The following PRKAG2 variants were observed in gnomAD, a reference collection of about 807,000 sequenced individuals.
PRKAG2 encodes 5'-AMP-activated protein kinase subunit gamma-2.
Under a neutral mutation model 69.6 loss-of-function variants are expected in PRKAG2, and 26 were observed. The observed-to-expected ratio is 0.37, with a 90% CI of 0.27 to 0.52. PRKAG2 has a LOEUF of 0.52. PRKAG2 is among the 20% of genes least tolerant of loss of function. The pLI is 0.90. For synonymous variants in PRKAG2, 293 were observed against 285.0 expected (o/e 1.03, Z -0.28); for missense variants, 557 against 740.0 (o/e 0.75, Z 2.87).
chr7:151,725,994 A>G (rs1797877152), intron 3 of PRKAG2, among the ~76,000 whole-genome samples: 1 of 152,176 alleles, frequency 6.6e-6, no homozygotes, highest in Non-Finnish European at 1.5e-5. Flanking sequence ...TGGTGGTTAC[A>G]AACCAGGTCC....
intron 3 of PRKAG2, among the ~76,000 whole-genome samples, chr7:151,749,623 A>G (rs539027961): frequency 5.3e-5 from 8 of 152,290 alleles, no homozygotes; most frequent in Non-Finnish European, 4.4e-5. Context: ...CAACAAAAAG[A>G]CAATCCAATC....
chr7:151,775,317 C>G (rs1400140353), intron 3 of PRKAG2, among the ~76,000 whole-genome samples: 1 of 152,116 alleles, frequency 6.6e-6, no homozygotes, highest in Non-Finnish European at 1.5e-5. Flanking sequence ...ATCAGATATC[C>G]TGCGACAAGG....
chr7:151,589,034 G>T (rs1030519216), intron 6 of PRKAG2, among the ~76,000 whole-genome samples: 1 of 152,106 alleles, frequency 6.6e-6, no homozygotes, highest in Admixed American at 6.5e-5. Flanking sequence ...CCCTGTTTCG[G>T]TGTTGCCAAC....
At chr7:151,658,093 G>T (rs1022751807) in intron 4 of PRKAG2, among the ~76,000 whole-genome samples, 1 of 151,694 alleles carries the variant, frequency 6.6e-6, no homozygotes, top group South Asian at 2.1e-4. Flanking sequence ...GGGAGGCGGA[G>T]ATTGCAGTGA....
chr7:151,838,706 C>CAA (rs57382424), intron 1 of PRKAG2, among the ~76,000 whole-genome samples: 13,712 of 91,918 alleles, frequency 0.15, 970 homozygotes, highest in East Asian at 0.42. Flanking sequence ...GACCCTGTTT[C>CAA]AAAAAAAAAA....
At chr7:151,696,065 C>A (rs1427972381) in intron 3 of PRKAG2, among the ~76,000 whole-genome samples, 1 of 152,202 alleles carries the variant, frequency 6.6e-6, no homozygotes, top group Admixed American at 6.5e-5. Context: ...AACACATCCC[C>A]GGAAGCCCAG....
At position 151,576,451 on chromosome 7, in the gene PRKAG2, A is replaced by G. The variant is rs730880975; in HGVS notation, c.866T>C (p.Val289Ala). The G allele has an allele frequency of 2.0e-5, 32 of 1,591,238 alleles. No individual in the cohort carries two copies. The highest frequency in any genetic ancestry group is 1.7e-4 in the Middle Eastern group (1 of 6,048). ...KLVVFDTTLQ[V>A]KKAFFALVAN... ...TACCAAAGCAAAGAAGGCCTTTTTA[A>G]CCTGAAGAAAAAGAGGAGAAACAAA... The change falls in exon 7 of 16, where the codon GTT becomes GCT. Residue 289 changes from valine (V) to alanine (A), a missense_variant and splice_region_variant. Around this residue, in one of 2 missense-constraint regions of PRKAG2, gnomAD observed 205 missense variants for 383.4 expected, o/e 0.53. Transcript: ENST00000287878.
intron 4 of PRKAG2, among the ~76,000 whole-genome samples, chr7:151,673,677 A>G (rs1046284773): frequency 4.6e-5 from 7 of 152,204 alleles, no homozygotes; most frequent in Non-Finnish European, 7.3e-5. Context: ...ATCTTCTCCT[A>G]AAAGATAACA....
At chr7:151,843,271 C>T (rs1340927764) in intron 1 of PRKAG2, among the ~76,000 whole-genome samples, 3 of 152,164 alleles carry the variant, frequency 2.0e-5, no homozygotes, top group South Asian at 2.1e-4. Context: ...AGATGGAACA[C>T]AGCAGCAGGG....
chr7:151,833,333 G>A (rs1051277453), intron 1 of PRKAG2, among the ~76,000 whole-genome samples: 1 of 152,176 alleles, frequency 6.6e-6, no homozygotes, highest in Non-Finnish European at 1.5e-5. Flanking sequence ...GTGTGCAGCG[G>A]GAAGGGTTCT....
At position 151,614,909 on chromosome 7, in the gene PRKAG2, G is replaced by C. The variant is rs116035413; in HGVS notation, c.754+17160C>G. On this transcript the variant is annotated intron_variant, in intron 5 of 15. Transcript: ENST00000287878. This position sits in a 1 kb window ranked among gnomAD's most constrained non-coding sequence, Gnocchi z 4.4. Reference sequence around the variant, plus strand: ...CAAAGGGGCCATGTGGATCCAGAGGGAACCTCGAGAGAGGAGCCGTGTGGA... The same window carrying C: ...CAAAGGGGCCATGTGGATCCAGAGGCAACCTCGAGAGAGGAGCCGTGTGGA... 5.0e-3 allele frequency among the ~76,000 whole-genome samples: 768 copies of C among 152,326 alleles called. 8 individuals are homozygous for C. Among genetic ancestry groups the C allele is most frequent in the African/African-American group, 0.018 (735 of 41,564 alleles).
Position 151,632,437 on chromosome 7 carries a change from G to A in PRKAG2, c.685-299C>T. ...CCGCCCGGGAGGAAGCGTGGGAAGG[G>A]ACCCGGGAGCTCGAGGGCGGCAGCG... On this transcript the variant is annotated intron_variant, in intron 4 of 15. Transcript: ENST00000287878. This position sits in a 1 kb window ranked among gnomAD's most constrained non-coding sequence, Gnocchi z 4.2. 7.1e-6 allele frequency: 4 copies of A among 565,944 alleles called. No homozygotes were observed. Among genetic ancestry groups the A allele is most frequent in the South Asian group, 7.7e-5 (1 of 13,022 alleles). The allele number at this position is 565,944 out of a possible 1,614,324, so 35.1% of individuals were successfully genotyped here.
intron 3 of PRKAG2, among the ~76,000 whole-genome samples, chr7:151,739,708 T>A (rs868390988): frequency 1.3e-5 from 2 of 152,116 alleles, no homozygotes; most frequent in African/African-American, 4.8e-5. Context: ...TGGCTTCAAG[T>A]GATCCACCCG....
At chr7:151,643,271 CT>C (rs1827048960) in intron 4 of PRKAG2, among the ~76,000 whole-genome samples, 1 of 152,138 alleles carries the variant, frequency 6.6e-6, no homozygotes. Context: ...TTCATCTAAC[CT>C]TTCAATTCTT....
At chr7:151,715,347 A>AAAAAATT (rs1461649654) in intron 3 of PRKAG2, among the ~76,000 whole-genome samples, 1 of 136,648 alleles carries the variant, frequency 7.3e-6, no homozygotes, top group Non-Finnish European at 1.6e-5. Flanking sequence ...AAAAAAAAAA[A>AAAAAATT]ATTATTATTA....
chr7:151,579,145 C>T (rs1229508981), intron 6 of PRKAG2, among the ~76,000 whole-genome samples: 1 of 152,194 alleles, frequency 6.6e-6, no homozygotes, highest in Non-Finnish European at 1.5e-5. Flanking sequence ...CCACCTCAGC[C>T]TTCCAAGTAG....
At chr7:151,830,960 T>A (rs1021733883) in intron 1 of PRKAG2, among the ~76,000 whole-genome samples, 2 of 151,676 alleles carry the variant, frequency 1.3e-5, no homozygotes, top group African/African-American at 4.8e-5. Context: ...GATTCACGAA[T>A]GACCAATAAG....
At chr7:151,849,766 C>T (rs1191764561) in intron 1 of PRKAG2, among the ~76,000 whole-genome samples, 1 of 152,166 alleles carries the variant, frequency 6.6e-6, no homozygotes, top group Non-Finnish European at 1.5e-5. Context: ...TGTCTTCCAT[C>T]TTCTTGGGAG....
intron 1 of PRKAG2, among the ~76,000 whole-genome samples, chr7:151,853,759 C>CA (rs56098823): frequency 0.015 from 1,630 of 109,906 alleles, 27 homozygotes; most frequent in Middle Eastern, 0.041. Flanking sequence ...GACTCCGTCT[C>CA]AAAAAAAAAA....
Sources: allele counts gnomAD v4.1 joint callset (sites outside exome capture counted in the v4.1 genomes callset), GRCh38; gene constraint gnomAD v4.1.1; regional missense constraint gnomAD v4.1.1; non-coding constraint Gnocchi (gnomAD v3.1); transcripts MANE v1.5; gene names NCBI Gene and HGNC (gene_info 2026-07-23, HGNC 2026-07-21).